The following RELN variants were observed in gnomAD, a reference collection of about 807,000 sequenced individuals.
RELN encodes reelin.
In RELN, 108 loss-of-function variants were observed where a neutral mutation model predicts 427.6. The ratio of observed to expected loss-of-function variants is 0.25; its 90% CI spans 0.22 to 0.30. The LOEUF is 0.30. Among genes scored for constraint, RELN ranks in the 10% least tolerant of loss-of-function variants. The pLI is 1.00. For synonymous variants in RELN, 1,524 were observed against 1,513.4 expected, an observed-to-expected ratio of 1.01 and a Z score of -0.16; for missense variants, 3,715 against 4,302.8, an observed-to-expected ratio of 0.86 and a Z score of 3.82.
intron 2 of RELN, among the ~76,000 whole-genome samples, chr7:103,902,060 A>G (rs1262034440): frequency 6.6e-6 from 1 of 151,928 alleles, no homozygotes; most frequent in African/African-American, 2.4e-5. Context: ...TATTAACACA[A>G]TATTTTAAAA....
At chr7:103,572,880 G>T (rs765418632) in intron 30 of RELN, among the ~76,000 whole-genome samples, 2 of 152,070 alleles carry the variant, frequency 1.3e-5, no homozygotes, top group Non-Finnish European at 2.9e-5. Context: ...TAGTTTCTGG[G>T]ATACATGTGC....
chr7:103,769,862 G>A (rs1396387173), intron 4 of RELN, among the ~76,000 whole-genome samples: 1 of 152,122 alleles, frequency 6.6e-6, no homozygotes, highest in Non-Finnish European at 1.5e-5. Flanking sequence ...AAATCACAAT[G>A]TGCCAAGCAC....
intron 57 of RELN, among the ~76,000 whole-genome samples, chr7:103,494,365 T>TGTGTGTGTGTGTGTGTG (rs1828762311): frequency 8.5e-6 from 1 of 118,256 alleles, no homozygotes; most frequent in Admixed American, 8.6e-5. Flanking sequence ...GTAATGACTT[T>TGTGTGTGTGTGTGTGTG]TGTGTGTGTG....
intron 2 of RELN, among the ~76,000 whole-genome samples, chr7:103,912,072 T>C (rs1384413687): frequency 6.6e-6 from 1 of 152,204 alleles, no homozygotes; most frequent in East Asian, 1.9e-4. Context: ...TGTTAATTGC[T>C]TAATCTCTAT....
chr7:103,477,320 G>A (rs191320861), intron 64 of RELN, among the ~76,000 whole-genome samples: 72 of 152,166 alleles, frequency 4.7e-4, no homozygotes, highest in African/African-American at 1.6e-3. Flanking sequence ...ATTTTTTAAT[G>A]GATTCTAAAG....
chr7:103,792,569 G>A (rs182013), intron 3 of RELN, among the ~76,000 whole-genome samples: 96,897 of 139,960 alleles, frequency 0.69, 33,859 homozygotes, highest in South Asian at 0.75. Flanking sequence ...GGGATGGGGG[G>A]ATGGGGGGAT....
chr7:103,829,466 A>G (rs769656128), intron 3 of RELN, among the ~76,000 whole-genome samples: 1 of 151,926 alleles, frequency 6.6e-6, no homozygotes, highest in Non-Finnish European at 1.5e-5. Context: ...ATCAGATATA[A>G]AAGTAAAAAC....
chr7:103,805,382 A>C (rs1584254695), intron 3 of RELN, among the ~76,000 whole-genome samples: 1 of 152,234 alleles, frequency 6.6e-6, no homozygotes, highest in Non-Finnish European at 1.5e-5. Context: ...AAATGAGTAC[A>C]TATGTGTGGC....
intron 63 of RELN, among the ~76,000 whole-genome samples, chr7:103,478,797 A>G (rs1365430029): frequency 7.2e-5 from 11 of 152,218 alleles, no homozygotes; most frequent in Non-Finnish European, 1.6e-4. Flanking sequence ...TTTAAAAAAT[A>G]CAGAAGTCTC....
At chr7:103,890,788 A>T (rs1438598122) in intron 2 of RELN, among the ~76,000 whole-genome samples, 2 of 152,184 alleles carry the variant, frequency 1.3e-5, no homozygotes, top group Admixed American at 6.5e-5. Context: ...TGAAAGTGGA[A>T]TTCCATTGTC....
chr7:103,973,823 A>G (rs1196519533), intron 1 of RELN, among the ~76,000 whole-genome samples: 2 of 152,220 alleles, frequency 1.3e-5, no homozygotes, highest in Admixed American at 6.5e-5. Flanking sequence ...ATCACAGGAA[A>G]AAATAACAAA....
At chr7:103,987,151 G>C (rs2116855782) in intron 1 of RELN, among the ~76,000 whole-genome samples, 1 of 148,500 alleles carries the variant, frequency 6.7e-6, no homozygotes, top group South Asian at 2.1e-4. Context: ...TAATAAAATA[G>C]ATAACAGAAA....
intron 4 of RELN, among the ~76,000 whole-genome samples, chr7:103,766,022 C>T (rs570735628): frequency 1.3e-5 from 2 of 152,170 alleles, no homozygotes; most frequent in Non-Finnish European, 2.9e-5. Context: ...AGCTCTTTGT[C>T]ATTCCCCTTA....
At chr7:103,666,719 C>T (rs764529415) in intron 11 of RELN, among the ~76,000 whole-genome samples, 2 of 152,100 alleles carry the variant, frequency 1.3e-5, no homozygotes, top group African/African-American at 2.4e-5. Flanking sequence ...TTTCTTTTTA[C>T]ATTAATTCCT....
chr7:103,600,141 T>A (rs964035876), intron 24 of RELN, among the ~76,000 whole-genome samples: 2 of 152,150 alleles, frequency 1.3e-5, no homozygotes, highest in Admixed American at 6.6e-5. Context: ...CAAGTGATAC[T>A]CCACCTCAGC....
intron 5 of RELN, among the ~76,000 whole-genome samples, chr7:103,750,919 A>G (rs1790982734): frequency 2.6e-5 from 4 of 152,220 alleles, no homozygotes; most frequent in Admixed American, 1.3e-4. Context: ...AACTTTGGGC[A>G]TGTCAAGTGC....
chr7:103,978,845 G>A (rs1328398790), intron 1 of RELN, among the ~76,000 whole-genome samples: 4 of 152,172 alleles, frequency 2.6e-5, no homozygotes, highest in Non-Finnish European at 5.9e-5. Context: ...TCTAAAAGTT[G>A]TAATACCTGC....
chr7:103,957,479 G>A (rs1796456532), intron 1 of RELN, among the ~76,000 whole-genome samples: 1 of 152,056 alleles, frequency 6.6e-6, no homozygotes, highest in East Asian at 1.9e-4. Flanking sequence ...TCACCTTCGT[G>A]GCAATCTCGT....
chr7:103,860,268 A>T (rs1483083243), intron 2 of RELN, among the ~76,000 whole-genome samples: 1 of 152,216 alleles, frequency 6.6e-6, no homozygotes, highest in Non-Finnish European at 1.5e-5. Flanking sequence ...CAAATATTTT[A>T]ACACTTTTTT....
Sources: allele counts gnomAD v4.1 joint callset (sites outside exome capture counted in the v4.1 genomes callset), GRCh38; gene constraint gnomAD v4.1.1; transcripts MANE v1.5; gene names NCBI Gene and HGNC (gene_info 2026-07-23, HGNC 2026-07-21).